The following UGT2B7 variants were observed in gnomAD, a reference collection of about 807,000 sequenced individuals.
The protein encoded by UGT2B7 is UDP glucuronosyltransferase family 2 member B7.
A neutral mutation model predicts 51.9 loss-of-function variants in UGT2B7; 51 were observed. That is an observed-to-expected ratio of 0.98 (90% CI 0.78 to 1.24). The LOEUF (loss-of-function observed/expected upper bound fraction) is 1.24. Among genes scored for constraint, UGT2B7 ranks in the 50% most tolerant of loss-of-function variants. The pLI, the probability that UGT2B7 is intolerant of heterozygous loss-of-function variation, is 0.00. For synonymous variants in UGT2B7, 225 were observed against 211.6 expected (o/e 1.06, Z -0.55); for missense variants, 727 against 628.4 (o/e 1.16, Z -1.68).
At chr4:69,082,129 C>T (rs1718851067) in intron 1 of UGT2B7, among the ~76,000 whole-genome samples, 1 of 151,962 alleles carries the variant, frequency 6.6e-6, no homozygotes, top group South Asian at 2.1e-4. Flanking sequence ...AGATGTCCAA[C>T]TTAATAAATG....
At chr4:69,090,941 A>T (rs1415708457) in intron 2 of UGT2B7, among the ~76,000 whole-genome samples, 1 of 152,178 alleles carries the variant, frequency 6.6e-6, no homozygotes, top group Non-Finnish European at 1.5e-5. Context: ...TAAGGTCTTC[A>T]TTCCAAATTA....
At chr4:69,088,910 A>G (rs571686235) in intron 1 of UGT2B7, among the ~76,000 whole-genome samples, 3 of 152,146 alleles carry the variant, frequency 2.0e-5, no homozygotes, top group Non-Finnish European at 4.4e-5. Context: ...ACTGCAGGTA[A>G]AATAAAGTTC....
At chr4:69,100,548 G>A (rs1429781975) in intron 2 of UGT2B7, among the ~76,000 whole-genome samples, 1 of 151,920 alleles carries the variant, frequency 6.6e-6, no homozygotes, top group Non-Finnish European at 1.5e-5. Flanking sequence ...TTTCTCAAGA[G>A]ACAAAAGCTG....
chr4:69,107,312 A>T, intron 4 of UGT2B7, 50 bp downstream of exon 4: 1 of 1,517,120 alleles, frequency 6.6e-7, no homozygotes, highest in Non-Finnish European at 9.0e-7. Context: ...AGCACATTAG[A>T]GTGTTAATAG....
intron 1 of UGT2B7, among the ~76,000 whole-genome samples, chr4:69,061,146 G>A (rs1337602791): frequency 6.6e-6 from 1 of 152,208 alleles, no homozygotes; most frequent in African/African-American, 2.4e-5. Context: ...AAGCAAAGCT[G>A]ATAGGTCTTA....
rs761833298 is a variant in UGT2B7, at chr4:69,074,445, T to TATATAA, written c.-158-15026_-158-15025insTATAAA. ...TATCTTAAATATATATATATATATA[T>TATATAA]AAATTAAAAATCAAAGTCTCATTCT... On this transcript the variant is annotated intron_variant, in intron 1 of 5. Coordinates refer to the UGT2B7 transcript ENST00000502942. Among the ~76,000 whole-genome samples, 23 of 106,542 alleles carry TATATAA rather than the reference T, an allele frequency of 2.2e-4. 1 individual carries two copies. The highest frequency in any genetic ancestry group is 4.3e-4 in the East Asian group (2 of 4,598). 69.9% of individuals were successfully genotyped at this position (106,542 alleles called of 152,430 possible). A position where few individuals can be genotyped will look rare whatever the true frequency, so the allele number is the denominator to read the frequency against.
chr4:69,052,038 A>T (rs930010050), intron 1 of UGT2B7, among the ~76,000 whole-genome samples: 1 of 152,178 alleles, frequency 6.6e-6, no homozygotes, highest in Non-Finnish European at 1.5e-5. Context: ...ACTGAGAACT[A>T]TGTTAAAGAA....
At chr4:69,056,291 G>C (rs2109859438) in intron 1 of UGT2B7, among the ~76,000 whole-genome samples, 1 of 152,284 alleles carries the variant, frequency 6.6e-6, no homozygotes, top group South Asian at 2.1e-4. Context: ...CCATCTAAAT[G>C]CTCAACCGAA....
intron 1 of UGT2B7, among the ~76,000 whole-genome samples, chr4:69,056,756 A>G (rs1330093267): frequency 6.6e-6 from 1 of 152,232 alleles, no homozygotes; most frequent in African/African-American, 2.4e-5. Flanking sequence ...GCACAAGTGT[A>G]CTATATAAAT....
intron 1 of UGT2B7, 83 bp from the exon 2 acceptor site, chr4:69,098,457 C>T (rs1719311281): frequency 2.3e-5 from 35 of 1,500,692 alleles, no homozygotes; most frequent in Non-Finnish European, 2.8e-5. Flanking sequence ...ACATTTTTGC[C>T]TACATTATTC....
chr4:69,062,483 A>G (rs1718369408), intron 1 of UGT2B7, among the ~76,000 whole-genome samples: 1 of 152,164 alleles, frequency 6.6e-6, no homozygotes, highest in Non-Finnish European at 1.5e-5. Flanking sequence ...GACTCCAACT[A>G]TTCTGAGCCC....
intron 1 of UGT2B7, among the ~76,000 whole-genome samples, chr4:69,055,533 C>G (rs1372962952): frequency 2.6e-5 from 4 of 152,156 alleles, no homozygotes; most frequent in African/African-American, 7.2e-5. Flanking sequence ...AGAACACTAT[C>G]CAGAACCAGT....
chr4:69,092,126 G>A (rs146336110), upstream of UGT2B7, among the ~76,000 whole-genome samples: 60 of 152,068 alleles, frequency 3.9e-4, no homozygotes, highest in African/African-American at 1.4e-3. Context: ...TGTTTGTACT[G>A]AGTAGGTCTT....
At chr4:69,076,218 T>G (rs1281723917) in intron 1 of UGT2B7, among the ~76,000 whole-genome samples, 1 of 152,210 alleles carries the variant, frequency 6.6e-6, no homozygotes, top group African/African-American at 2.4e-5. Flanking sequence ...TTTGCTATTG[T>G]GAACAGTGCC....
At chr4:69,070,209 T>G (rs1453535604) in intron 1 of UGT2B7, among the ~76,000 whole-genome samples, 1 of 147,786 alleles carries the variant, frequency 6.8e-6, no homozygotes, top group Non-Finnish European at 1.5e-5. Context: ...CAAAAAAACC[T>G]CTTCTTTTAT....
chr4:69,098,090 T>A (rs1223790989), intron 1 of UGT2B7, among the ~76,000 whole-genome samples: 1 of 152,012 alleles, frequency 6.6e-6, no homozygotes, highest in Non-Finnish European at 1.5e-5. Context: ...GAACCAAAGA[T>A]AAAAGAATTA....
intron 5 of UGT2B7, among the ~76,000 whole-genome samples, chr4:69,110,703 C>T (rs1719747476): frequency 6.6e-6 from 1 of 152,002 alleles, no homozygotes; most frequent in Non-Finnish European, 1.5e-5. Flanking sequence ...TCAGGCTAAT[C>T]CTTAGTTGGT....
chr4:69,058,993 TAAG>T (rs956124312), intron 1 of UGT2B7, among the ~76,000 whole-genome samples: 1 of 152,052 alleles, frequency 6.6e-6, no homozygotes, highest in African/African-American at 2.4e-5. Flanking sequence ...AGAATAATAA[TAAG>T]GAGAAGGGTC....
intron 2 of UGT2B7, among the ~76,000 whole-genome samples, chr4:69,089,964 G>C (rs1284615550): frequency 6.6e-6 from 1 of 151,960 alleles, no homozygotes; most frequent in South Asian, 2.1e-4. Context: ...AAAAAGGGAG[G>C]GCTGATATTA....
Sources: gnomAD v4.1 joint callset for allele counts (sites outside exome capture counted in the v4.1 genomes callset) on GRCh38, gnomAD v4.1.1 for gene constraint, MANE v1.5 for transcripts, NCBI Gene and HGNC (gene_info 2026-07-23, HGNC 2026-07-21) for gene names.